The following FBXO34 variants were observed in gnomAD, a reference collection of about 807,000 sequenced individuals.
The protein encoded by FBXO34 is F-box only protein 34.
FBXO34 carries 12 observed loss-of-function variants against 24.5 expected under a neutral mutation model. That is an observed-to-expected ratio of 0.49 (90% CI 0.31 to 0.79). The LOEUF (loss-of-function observed/expected upper bound fraction) is 0.79. Ranked by LOEUF, FBXO34 falls within the 30% of genes least tolerant of loss-of-function variation. The pLI, the probability that FBXO34 is intolerant of heterozygous loss-of-function variation, is 0.04. For synonymous variants in FBXO34, 320 were observed against 311.9 expected (o/e 1.03, Z -0.27); for missense variants, 823 against 857.7 (o/e 0.96, Z 0.51).
intron 1 of FBXO34, among the ~76,000 whole-genome samples, chr14:55,327,724 A>G (rs1013864481): frequency 6.6e-6 from 1 of 152,054 alleles, no homozygotes; most frequent in African/African-American, 2.4e-5. Flanking sequence ...AATAGACAGT[A>G]GCCCCTCTTA....
intron 1 of FBXO34, among the ~76,000 whole-genome samples, chr14:55,302,284 C>A (rs781046956): frequency 6.6e-6 from 1 of 152,078 alleles, no homozygotes; most frequent in African/African-American, 2.4e-5. Context: ...TCTCTGTCAG[C>A]TATATAGAGA....
the FBXO34 span, chr14:55,380,465 C>G: frequency 5.6e-6 from 4 of 719,194 alleles, no homozygotes; most frequent in Non-Finnish European, 7.1e-6. Context: ...CCTTCTCTGT[C>G]TTGGTAATAC....
chr14:55,324,231 T>G (rs886845419), intron 1 of FBXO34, among the ~76,000 whole-genome samples: 1 of 152,212 alleles, frequency 6.6e-6, no homozygotes. Context: ...GCATGATGTC[T>G]TCAAGGTTTA....
At chr14:55,370,667 A>G (rs968256716), downstream of FBXO34, among the ~76,000 whole-genome samples, 1 of 151,510 alleles carries the variant, frequency 6.6e-6, no homozygotes, top group Non-Finnish European at 1.5e-5. Flanking sequence ...ATTTAGACAG[A>G]GTCTCGTTCT....
the FBXO34 span, among the ~76,000 whole-genome samples, chr14:55,379,198 AC>A: frequency 2.0e-5 from 3 of 152,236 alleles, no homozygotes; most frequent in African/African-American, 7.2e-5. Flanking sequence ...GTGTTACATA[AC>A]TAAAAATTTT....
chr14:55,348,516 C>T (rs534124815), intron 1 of FBXO34, among the ~76,000 whole-genome samples: 50 of 152,210 alleles, frequency 3.3e-4, no homozygotes, highest in Admixed American at 5.2e-4. Context: ...TTACTGAGTG[C>T]CTGCCATATG....
chr14:55,351,176 A>G lies in FBXO34; in HGVS notation c.786A>G (p.Thr262=). 3.1e-6 allele frequency: 5 copies of G among 1,614,218 alleles called. No homozygotes were observed. Among genetic ancestry groups the G allele is most frequent in the Non-Finnish European group, 4.2e-6 (5 of 1,180,036 alleles). ...YSAPGACEEP[T]ERGNLEVGEP... ...CCCCAGGAGCTTGTGAAGAACCCACAGAAAGGGGAAATCTTGAGGTTGGTG... is the reference window on the plus strand; with the variant it reads ...CCCCAGGAGCTTGTGAAGAACCCACGGAAAGGGGAAATCTTGAGGTTGGTG... The change falls in exon 2 of 2, where the codon ACA becomes ACG. Residue 262 remains threonine, a synonymous_variant. Transcript: ENST00000313833.
At chr14:55,432,258 A>T in the FBXO34 span, among the ~76,000 whole-genome samples, 2 of 151,452 alleles carry the variant, frequency 1.3e-5, no homozygotes, top group African/African-American at 4.8e-5. Context: ...AAAAAAAAAA[A>T]AAAAATTAGC....
the FBXO34 span, among the ~76,000 whole-genome samples, chr14:55,379,407 TA>T: frequency 6.6e-6 from 1 of 151,706 alleles, no homozygotes; most frequent in East Asian, 1.9e-4. Context: ...CCAGGTGTGG[TA>T]GCATGAACCT....
chr14:55,370,371 C>T (rs1419332519), downstream of FBXO34, among the ~76,000 whole-genome samples: 2 of 151,564 alleles, frequency 1.3e-5, no homozygotes, highest in African/African-American at 2.4e-5. Flanking sequence ...ACAAAGAAAA[C>T]TCAGTGGGTT....
chr14:55,347,964 A>AT (rs1884213393), intron 1 of FBXO34, among the ~76,000 whole-genome samples: 1 of 152,216 alleles, frequency 6.6e-6, no homozygotes, highest in Non-Finnish European at 1.5e-5. Context: ...GGATATGAAA[A>AT]TGTAGAAAAT....
chr14:55,439,964 G>A, the FBXO34 span, among the ~76,000 whole-genome samples: 3 of 128,116 alleles, frequency 2.3e-5, no homozygotes, highest in Non-Finnish European at 5.1e-5. Flanking sequence ...AGCCAGGTGT[G>A]GTGCGTGTGC....
At chr14:55,364,149 A>T (rs928581330), downstream of FBXO34, among the ~76,000 whole-genome samples, 3 of 151,896 alleles carry the variant, frequency 2.0e-5, no homozygotes, top group Non-Finnish European at 2.9e-5. Flanking sequence ...GGGTTTCTCC[A>T]TGTTGGTCAG....
the FBXO34 span, among the ~76,000 whole-genome samples, chr14:55,402,973 A>ATATATATATATATATATG: frequency 9.1e-6 from 1 of 109,428 alleles, no homozygotes; most frequent in Non-Finnish European, 1.8e-5. Flanking sequence ...ATATATAAAT[A>ATATATATATATATATATG]GCTGGGCATA....
chr14:55,408,998 C>CTTAT, the FBXO34 span, among the ~76,000 whole-genome samples: 22 of 152,266 alleles, frequency 1.4e-4, 1 homozygote, highest in African/African-American at 5.1e-4. Context: ...GTGACATTAT[C>CTTAT]TTATTTACAT....
chr14:55,385,998 G>C, the FBXO34 span: 3 of 1,614,016 alleles, frequency 1.9e-6, no homozygotes, highest in Admixed American at 1.7e-5. Flanking sequence ...CCAAGTTTGC[G>C]ATTATGCCTC....
chr14:55,377,267 A>T, the FBXO34 span, among the ~76,000 whole-genome samples: 1 of 152,182 alleles, frequency 6.6e-6, no homozygotes, highest in East Asian at 1.9e-4. Flanking sequence ...GAATCGCTTG[A>T]ACCCAGGAGG....
the FBXO34 span, chr14:55,395,113 G>A: frequency 2.8e-5 from 12 of 427,034 alleles, no homozygotes; most frequent in African/African-American, 1.6e-4. Flanking sequence ...ATCCTTTCCT[G>A]CTGCTTTCTC....
At chr14:55,271,947 C>G (rs980739237) in intron 1 of FBXO34, 5 of 152,312 alleles carry the variant, frequency 3.3e-5, no homozygotes, top group African/African-American at 9.6e-5. Context: ...CGCGCCCTCC[C>G]GGGCTCGGCC....
Sources: gnomAD v4.1 joint callset for allele counts (sites outside exome capture counted in the v4.1 genomes callset) on GRCh38, gnomAD v4.1.1 for gene constraint, MANE v1.5 for transcripts, NCBI Gene and HGNC (gene_info 2026-07-23, HGNC 2026-07-21) for gene names.